STK3: variants seen among roughly 807,000 people sequenced by gnomAD.
STK3 encodes serine/threonine kinase 3.
In STK3, 41 loss-of-function variants were observed where a neutral mutation model predicts 58.0. The observed-to-expected ratio is 0.71, with a 90% CI of 0.55 to 0.92. STK3 has a LOEUF of 0.92. STK3 is among the 40% of genes least tolerant of loss of function. The pLI is 0.00. For missense variants in STK3, 479 were observed against 602.7 expected (o/e 0.79, Z 2.15); for synonymous variants, 170 against 191.0 (o/e 0.89, Z 0.91).
chr8:98,388,725 G>C (rs1817817803), upstream of STK3, among the ~76,000 whole-genome samples: 1 of 152,194 alleles, frequency 6.6e-6, no homozygotes, highest in Admixed American at 6.5e-5. Context: ...TGTGAACCTT[G>C]TTTGGATCTT....
intron 1 of STK3, among the ~76,000 whole-genome samples, chr8:98,447,392 A>G (rs1195883308): frequency 6.6e-6 from 1 of 152,034 alleles, no homozygotes; most frequent in African/African-American, 2.4e-5. Context: ...TATTTTTATA[A>G]CAACCTCAAG....
At chr8:98,769,757 G>GA (rs746945232) in intron 2 of STK3, among the ~76,000 whole-genome samples, 5 of 152,310 alleles carry the variant, frequency 3.3e-5, no homozygotes, top group Middle Eastern at 3.4e-3. Context: ...AATGTATGGT[G>GA]AAAATAAAGT....
At chr8:98,570,583 T>C (rs1387262471) in intron 8 of STK3, among the ~76,000 whole-genome samples, 1 of 152,152 alleles carries the variant, frequency 6.6e-6, no homozygotes, top group Non-Finnish European at 1.5e-5. Context: ...TAATGTTATT[T>C]TGGTGGCCAC....
At chr8:98,870,366 G>A (rs965319570) in intron 3 of STK3, among the ~76,000 whole-genome samples, 1 of 152,200 alleles carries the variant, frequency 6.6e-6, no homozygotes, top group Non-Finnish European at 1.5e-5. Context: ...CCAGTAATGG[G>A]ATGGCTGGGT....
rs1586649269 is a variant in STK3, at chr8:98,473,739, A to C, written c.1318-17739T>G. ...AAACCTCCCTCTCTTGGCTCCTACA[A>C]CACCATGCTCTCTTTTCTCCTAAAT... On this transcript the variant is annotated intron_variant, in intron 10 of 10. Transcript: ENST00000419617. Among the ~76,000 whole-genome samples the C allele has an allele frequency of 3.3e-5, 5 of 152,110 alleles. No individual in the cohort carries two copies. The South Asian group carries it at 1.0e-3, about 32-fold the overall frequency.
At chr8:98,461,259 T>TA (rs57952105) in intron 10 of STK3, among the ~76,000 whole-genome samples, 1 of 152,172 alleles carries the variant, frequency 6.6e-6, no homozygotes, top group Non-Finnish European at 1.5e-5. Context: ...CTTTTTTTTT[T>TA]ACTGATGTTG....
intron 8 of STK3, among the ~76,000 whole-genome samples, chr8:98,566,128 T>C (rs1353147888): frequency 6.6e-6 from 1 of 152,196 alleles, no homozygotes; most frequent in Non-Finnish European, 1.5e-5. Context: ...GCTTTTTCTA[T>C]AATAGGTATA....
intron 9 of STK3, among the ~76,000 whole-genome samples, chr8:98,537,915 A>G (rs1262900888): frequency 6.6e-6 from 1 of 152,222 alleles, no homozygotes; most frequent in Non-Finnish European, 1.5e-5. Context: ...AATACCGTAG[A>G]AAATACGTCA....
chr8:98,375,275 A>AAG, intron 2 of STK3, among the ~76,000 whole-genome samples: 1 of 143,104 alleles, frequency 7.0e-6, no homozygotes, highest in African/African-American at 2.9e-5. Flanking sequence ...AAAAAACAAA[A>AAG]AAAAACAAAA....
chr8:98,568,049 C>T (rs143858336), intron 8 of STK3, among the ~76,000 whole-genome samples: 29 of 148,802 alleles, frequency 1.9e-4, no homozygotes, highest in African/African-American at 7.0e-4. Context: ...CAGAGTGAGA[C>T]TGTCTTAGAT....
At chr8:98,514,232 A>C (rs1345242086) in intron 10 of STK3, among the ~76,000 whole-genome samples, 1 of 152,120 alleles carries the variant, frequency 6.6e-6, no homozygotes, top group Non-Finnish European at 1.5e-5. Context: ...ACTTAAATCA[A>C]ATTTGAGATT....
chr8:98,453,883 A>C (rs998347033), downstream of STK3, among the ~76,000 whole-genome samples: 4 of 152,192 alleles, frequency 2.6e-5, no homozygotes, highest in African/African-American at 9.6e-5. Flanking sequence ...ATAATTAGGA[A>C]AAGAAAAAAG....
At chr8:98,675,673 C>T (rs1587259910) in intron 6 of STK3, among the ~76,000 whole-genome samples, 2 of 151,962 alleles carry the variant, frequency 1.3e-5, no homozygotes, top group South Asian at 4.2e-4. Context: ...CCATCCTGGC[C>T]AACACGGTGA....
chr8:98,630,675 G>A (rs1230576654), intron 6 of STK3, among the ~76,000 whole-genome samples: 1 of 150,540 alleles, frequency 6.6e-6, no homozygotes, highest in Non-Finnish European at 1.5e-5. Context: ...AGAAGGAGGA[G>A]AAGGAGGAGA....
At chr8:98,666,874 A>G (rs1260663314) in intron 6 of STK3, among the ~76,000 whole-genome samples, 4 of 152,218 alleles carry the variant, frequency 2.6e-5, no homozygotes, top group Non-Finnish European at 4.4e-5. Context: ...GCTAGAAAAG[A>G]TAACATTTGT....
intron 9 of STK3, among the ~76,000 whole-genome samples, chr8:98,528,991 T>C (rs187676433): frequency 2.3e-4 from 32 of 137,722 alleles, no homozygotes; most frequent in African/African-American, 7.9e-4. Flanking sequence ...TACTTGCCTA[T>C]GGAGACATTC....
chr8:98,542,488 T>C (rs1810374422), intron 9 of STK3, among the ~76,000 whole-genome samples: 1 of 152,130 alleles, frequency 6.6e-6, no homozygotes, highest in Admixed American at 6.6e-5. Flanking sequence ...GAAGCCCCTT[T>C]GACTAGCTTA....
downstream of STK3, among the ~76,000 whole-genome samples, chr8:98,400,905 T>A (rs945084934): frequency 1.3e-5 from 2 of 152,166 alleles, no homozygotes; most frequent in Non-Finnish European, 2.9e-5. Context: ...CACAACATTA[T>A]TTTCAATCCC....
chr8:98,456,925 A>G (rs1281269832), intron 10 of STK3, among the ~76,000 whole-genome samples: 1 of 151,960 alleles, frequency 6.6e-6, no homozygotes, highest in Non-Finnish European at 1.5e-5. Flanking sequence ...AACCAAATTC[A>G]CTCTTAGCTG....
Sources: gnomAD v4.1 joint callset for allele counts (sites outside exome capture counted in the v4.1 genomes callset) on GRCh38, gnomAD v4.1.1 for gene constraint, MANE v1.5 for transcripts, NCBI Gene and HGNC (gene_info 2026-07-23, HGNC 2026-07-21) for gene names.